Variants in PRH1 observed in about 807,000 individuals in gnomAD.
PRH1 encodes proline rich protein HaeIII subfamily 1.
A neutral mutation model predicts 7.9 loss-of-function variants in PRH1; 7 were observed. The ratio of observed to expected loss-of-function variants is 0.89; its 90% CI spans 0.50 to 1.67. PRH1 has a LOEUF of 1.67. Among genes scored for constraint, PRH1 ranks in the 40% most tolerant of loss-of-function variants. The pLI is 0.00. For synonymous variants in PRH1, 45 were observed against 80.8 expected (o/e 0.56, Z 2.38); for missense variants, 109 against 223.6 (o/e 0.49, Z 3.27).
chr12:11,030,088 AAAAT>A (rs56873588), intron 1 of PRH1, among the ~76,000 whole-genome samples: 66,215 of 151,636 alleles, frequency 0.44, 15,214 homozygotes, highest in Non-Finnish European at 0.51. Flanking sequence ...AATGAAATAT[AAAAT>A]ACATGAATGA....
At chr12:10,909,584 C>T (rs1200773351) in intron 2 of PRH1, 3 of 372,960 alleles carry the variant, frequency 8.0e-6, no homozygotes, top group Non-Finnish European at 1.4e-5. Context: ...GATGATTATG[C>T]AGCAAAGTTA....
In PRH1 at chr12:10,989,554, C is replaced by A. The variant is rs565438491; in HGVS notation, c.-125-15833G>T. ...AATTAACTAAATTCACTTTTTGATA[C>A]CTTTACTTACAGACTATATATGGCT... is the stretch of plus-strand genomic sequence containing the variant. On this transcript the variant is annotated intron_variant, in intron 1 of 3. Transcript: ENST00000539853. Among the ~76,000 whole-genome samples the A allele has an allele frequency of 3.4e-4, 52 of 152,212 alleles. 1 individual carries two copies. Among genetic ancestry groups the A allele is most frequent in the African/African-American group, 1.3e-3 (52 of 41,538 alleles).
rs1181109143 is a variant in PRH1 at position 11,079,678 on chromosome 12, C to CA, written n.124-32491dup. Among the ~76,000 whole-genome samples the CA allele has an allele frequency of 2.8e-4, 18 of 63,928 alleles. 2 individuals are homozygous for CA. Among genetic ancestry groups the CA allele is most frequent in the East Asian group, 1.2e-3 (3 of 2,502 alleles). 41.9% of individuals were successfully genotyped at this position (63,928 alleles called of 152,430 possible). ...ATTCAGGATTCAAGGGAAAAATAGA[C>CA]AGAGAATGTCAAAGTTTTGTCACAT... On this transcript the variant is annotated intron_variant and non_coding_transcript_variant, in intron 1 of 4. Coordinates refer to the PRH1 transcript ENST00000541977.
chr12:10,904,551 G>A (rs1208852090), intron 2 of PRH1, among the ~76,000 whole-genome samples: 2 of 152,068 alleles, frequency 1.3e-5, no homozygotes, highest in Non-Finnish European at 2.9e-5. Flanking sequence ...AAATTTAAAT[G>A]TAAGACTTTA....
intron 2 of PRH1, among the ~76,000 whole-genome samples, chr12:10,950,938 C>A (rs1055264634): frequency 6.6e-6 from 1 of 152,048 alleles, no homozygotes; most frequent in Admixed American, 6.6e-5. Flanking sequence ...TGGTCATGAT[C>A]CCCTTTAAGG....
intron 1 of PRH1, among the ~76,000 whole-genome samples, chr12:10,998,334 A>T (rs1401073530): frequency 2.6e-5 from 4 of 152,146 alleles, no homozygotes; most frequent in African/African-American, 9.7e-5. Context: ...ATATATTGTT[A>T]AAAGAGCCTG....
intron 2 of PRH1, among the ~76,000 whole-genome samples, chr12:10,970,889 A>G (rs1169221681): frequency 6.6e-6 from 1 of 152,168 alleles, no homozygotes; most frequent in Admixed American, 6.5e-5. Context: ...TTGTGTTTAT[A>G]ACTACTATAA....
chr12:11,143,138 A>G (rs1362082547), intron 1 of PRH1, among the ~76,000 whole-genome samples: 1 of 152,120 alleles, frequency 6.6e-6, no homozygotes, highest in African/African-American at 2.4e-5. Flanking sequence ...AGTTCCCGCA[A>G]CCTTTGAAGA....
At chr12:11,008,402 G>A (rs1216711408) in intron 1 of PRH1, among the ~76,000 whole-genome samples, 3 of 151,972 alleles carry the variant, frequency 2.0e-5, no homozygotes, top group Admixed American at 6.6e-5. Context: ...ATAAACAGTC[G>A]AGTAACCATC....
intron 1 of PRH1, among the ~76,000 whole-genome samples, chr12:11,036,435 C>T (rs560009687): frequency 9.9e-5 from 15 of 152,282 alleles, no homozygotes; most frequent in Middle Eastern, 3.4e-3. Context: ...ATCACTCACT[C>T]AAGTGTGACA....
chr12:10,912,189 G>C (rs947043301), intron 2 of PRH1, among the ~76,000 whole-genome samples: 1 of 152,114 alleles, frequency 6.6e-6, no homozygotes, highest in South Asian at 2.1e-4. Flanking sequence ...GAAACACAAA[G>C]TTGGTTTATT....
chr12:11,127,292 C>T (rs974668342), intron 1 of PRH1, among the ~76,000 whole-genome samples: 1 of 152,278 alleles, frequency 6.6e-6, no homozygotes, highest in African/African-American at 2.4e-5. Flanking sequence ...ACTTAATCAT[C>T]ATTTTGCAAT....
intron 1 of PRH1, among the ~76,000 whole-genome samples, chr12:11,145,946 A>G (rs1009788085): frequency 1.3e-5 from 2 of 152,156 alleles, no homozygotes; most frequent in South Asian, 4.1e-4. Flanking sequence ...GTTTTTGCAT[A>G]TCTGTAATCA....
intron 1 of PRH1, among the ~76,000 whole-genome samples, chr12:10,974,747 C>T (rs1293907064): frequency 6.6e-6 from 1 of 152,152 alleles, no homozygotes; most frequent in Non-Finnish European, 1.5e-5. Context: ...TGTCTTCTTA[C>T]CTCCAAACAA....
intron 1 of PRH1, among the ~76,000 whole-genome samples, chr12:11,127,877 C>T (rs1006189393): frequency 1.6e-4 from 25 of 152,202 alleles, no homozygotes; most frequent in South Asian, 2.1e-4. Flanking sequence ...GAGGCCGAGG[C>T]GGGCTGATCA....
chr12:11,108,084 A>G (rs1945479672), intron 1 of PRH1, among the ~76,000 whole-genome samples: 2 of 152,182 alleles, frequency 1.3e-5, no homozygotes, highest in African/African-American at 4.8e-5. Flanking sequence ...ACTGGAGAAA[A>G]TATCCTTCAA....
intron 2 of PRH1, among the ~76,000 whole-genome samples, chr12:10,934,967 G>A (rs1236124081): frequency 6.6e-6 from 1 of 152,138 alleles, no homozygotes; most frequent in African/African-American, 2.4e-5. Flanking sequence ...TAAATTAGTA[G>A]ATGGAGTATA....
At chr12:11,138,598 G>T (rs1416266651) in intron 1 of PRH1, among the ~76,000 whole-genome samples, 1 of 152,138 alleles carries the variant, frequency 6.6e-6, no homozygotes, top group Non-Finnish European at 1.5e-5. Context: ...TTCTGACACT[G>T]AAATGTGAAT....
intron 1 of PRH1, among the ~76,000 whole-genome samples, chr12:10,979,533 A>T (rs1939255410): frequency 6.6e-6 from 1 of 152,220 alleles, no homozygotes; most frequent in African/African-American, 2.4e-5. Flanking sequence ...AAATGATTAT[A>T]GGACTTCGTA....
Sources: allele counts gnomAD v4.1 joint callset (sites outside exome capture counted in the v4.1 genomes callset), GRCh38; gene constraint gnomAD v4.1.1; transcripts MANE v1.5; gene names NCBI Gene and HGNC (gene_info 2026-07-23, HGNC 2026-07-21).